Variants in ADAM19 observed in about 807,000 individuals in gnomAD.
ADAM19 encodes ADAM metallopeptidase domain 19.
ADAM19 carries 65 observed loss-of-function variants against 114.7 expected under a neutral mutation model. The ratio of observed to expected loss-of-function variants is 0.57; its 90% confidence interval spans 0.46 to 0.70. The LOEUF is 0.70. Among genes scored for constraint, ADAM19 ranks in the 30% least tolerant of loss-of-function variants. The probability of loss-of-function intolerance (pLI) is 0.00; values close to 1 mark genes in which losing one functional copy is unlikely to be tolerated. For missense variants in ADAM19, 1,063 were observed against 1,204.7 expected (o/e 0.88, Z 1.74); for synonymous variants, 466 against 460.5 (o/e 1.01, Z -0.15).
Position 157,550,908 on chromosome 5 carries a change from C to T in ADAM19, c.252-12917G>A, listed in dbSNP as rs973123883. Among the ~76,000 whole-genome samples, 12 of 152,308 alleles carry T rather than the reference C, an allele frequency of 7.9e-5. 1 individual carries two copies. The highest frequency in any genetic ancestry group is 6.5e-4 in the Admixed American group (10 of 15,302). On this transcript the variant is annotated intron_variant, in intron 3 of 22. Transcript: ENST00000257527. Reference sequence around the variant, plus strand: ...GTGATTCATACCATCATTCTCTCTACTCTGCACGTTTGATAATTTTTCACT... The same window carrying T: ...GTGATTCATACCATCATTCTCTCTATTCTGCACGTTTGATAATTTTTCACT...
At chr5:157,481,309 C>T (rs11134766) in intron 22 of ADAM19, 29,925 of 571,648 alleles carry the variant, frequency 0.052, 957 homozygotes, top group Middle Eastern at 0.065. Flanking sequence ...CCAGCTTCTT[C>T]ACCTCATCCC....
At chr5:157,488,753 C>T (rs1184844921) in intron 20 of ADAM19, among the ~76,000 whole-genome samples, 4 of 152,170 alleles carry the variant, frequency 2.6e-5, no homozygotes, top group Admixed American at 6.5e-5. Context: ...GCATGGCGGC[C>T]GGGCATGGTG....
intron 4 of ADAM19, among the ~76,000 whole-genome samples, chr5:157,531,441 T>C (rs1221299010): frequency 6.6e-6 from 1 of 152,028 alleles, no homozygotes; most frequent in Non-Finnish European, 1.5e-5. Flanking sequence ...CTGAGGCAGA[T>C]GGATCACTTG....
chr5:157,479,146 G>A lies in ADAM19; in HGVS notation c.*1803C>T. The A allele has an allele frequency of 1.0e-5, 10 of 985,942 alleles. No individual in the cohort carries two copies. The highest frequency in any genetic ancestry group is 1.2e-5 in the Non-Finnish European group (10 of 829,992). The allele number at this position is 985,942 out of a possible 1,614,324, so 61.1% of individuals were successfully genotyped here. A position where few individuals can be genotyped will look rare whatever the true frequency, so the allele number is the denominator to read the frequency against. ...CACAGCAAGGATGACCCACGGCAAGGACATGGGGAACCTGTATCACAGCCA... is the reference window on the plus strand; with the variant it reads ...CACAGCAAGGATGACCCACGGCAAGAACATGGGGAACCTGTATCACAGCCA... On this transcript the variant is annotated 3_prime_UTR_variant, in exon 23 of 23. Coordinates refer to ENST00000257527, the MANE Select transcript of ADAM19 (RefSeq NM_033274.5).
chr5:157,524,002 G>C (rs148119381), intron 5 of ADAM19, among the ~76,000 whole-genome samples: 2 of 152,332 alleles, frequency 1.3e-5, no homozygotes, highest in Non-Finnish European at 2.9e-5. Flanking sequence ...TCCAACTGCT[G>C]TTCCTGGTTA....
chr5:157,548,489 C>T (rs1203664694), intron 3 of ADAM19, among the ~76,000 whole-genome samples: 1 of 152,170 alleles, frequency 6.6e-6, no homozygotes, highest in East Asian at 1.9e-4. Flanking sequence ...AAGCCCAGTA[C>T]ACTGGGAAGA....
chr5:157,511,265 T>C (rs1755912266), intron 8 of ADAM19, among the ~76,000 whole-genome samples: 1 of 152,192 alleles, frequency 6.6e-6, no homozygotes, highest in African/African-American at 2.4e-5. Context: ...TGGTAGGTAC[T>C]GCCCCAGCTG....
intron 7 of ADAM19, among the ~76,000 whole-genome samples, chr5:157,517,822 T>C (rs955329218): frequency 1.3e-5 from 2 of 152,208 alleles, no homozygotes; most frequent in African/African-American, 4.8e-5. Flanking sequence ...TTGAGGAACA[T>C]GGAGTTAAAG....
intron 21 of ADAM19, 75 bp downstream of exon 21, chr5:157,488,190 C>T (rs1755012555): frequency 4.8e-6 from 7 of 1,446,932 alleles, no homozygotes; most frequent in Non-Finnish European, 6.7e-6. Context: ...TCACCTTCCC[C>T]ACCTTTGCCA....
At position 157,496,878 on chromosome 5, in the gene ADAM19, C is replaced by A. The variant is rs1332708923; in HGVS notation, c.1594+16G>T. The stretch of plus-strand genomic sequence containing the variant: ...TGGTGGGCTGGGGAGAGCCGTGCTC[C>A]CCAGGAGAGCCTTACCGGGTCCCCA... On this transcript the variant is annotated intron_variant, in intron 14 of 22. Coordinates refer to ENST00000257527, the MANE Select transcript of ADAM19 (RefSeq NM_033274.5). 5 of 1,548,816 alleles carry A rather than the reference C, an allele frequency of 3.2e-6. No individual in the cohort carries two copies. The highest frequency in any genetic ancestry group is 1.4e-5 in the African/African-American group (1 of 72,128).
intron 4 of ADAM19, among the ~76,000 whole-genome samples, chr5:157,537,303 T>C (rs1479466249): frequency 1.3e-5 from 2 of 152,188 alleles, no homozygotes; most frequent in Non-Finnish European, 2.9e-5. Context: ...CAGTGGAGTG[T>C]GGCAAAGCAA....
Position 157,519,867 on chromosome 5 carries a change from G to A in ADAM19, c.572C>T (p.Thr191Ile), listed in dbSNP as rs763470596. Reference sequence around the variant, plus strand: ...GCGAGGTCGCTTCTTGGTCTGTTGTGTAAACTGAAGAGCCCAGTCCCTGGT... The same window carrying A: ...GCGAGGTCGCTTCTTGGTCTGTTGTATAAACTGAAGAGCCCAGTCCCTGGT... ...PTTRDWALQF[T>I]QQTKKRPRRM... Residue 191 changes from threonine (T) to isoleucine (I), a missense_variant, in exon 6 of 23, where the codon ACA (threonine) becomes ATA (isoleucine). Coordinates refer to ENST00000257527, the MANE Select transcript of ADAM19 (RefSeq NM_033274.5). 25 of 1,613,710 alleles carry A rather than the reference G, an allele frequency of 1.5e-5. No individual in the cohort carries two copies. The highest frequency in any genetic ancestry group is 1.7e-5 in the Non-Finnish European group (20 of 1,179,860).
intron 21 of ADAM19, among the ~76,000 whole-genome samples, chr5:157,486,843 T>A (rs1184543876): frequency 1.3e-5 from 2 of 152,040 alleles, no homozygotes; most frequent in Non-Finnish European, 2.9e-5. Context: ...TACCTCAGAA[T>A]GTGACCATAT....
chr5:157,503,179 C>T (rs1043695501), intron 11 of ADAM19, among the ~76,000 whole-genome samples, 199 bp from the exon 12 acceptor site: 10 of 152,188 alleles, frequency 6.6e-5, no homozygotes, highest in Non-Finnish European at 1.2e-4. Context: ...CCCTTGAGTT[C>T]GTGTCCTTAG....
chr5:157,480,946 G>C lies in ADAM19; in HGVS notation c.*3C>G. Reference sequence around the variant, plus strand: ...AGGAAAGGGAGAAGCCCCTTGGACAGGTCTAGATTTTCGAGCTAATCATCC... The same window carrying C: ...AGGAAAGGGAGAAGCCCCTTGGACACGTCTAGATTTTCGAGCTAATCATCC... On this transcript the variant is annotated 3_prime_UTR_variant, in exon 23 of 23. Coordinates refer to ENST00000257527, the MANE Select transcript of ADAM19 (RefSeq NM_033274.5). 1 of 1,614,110 alleles carries C rather than the reference G, an allele frequency of 6.2e-7. No individual in the cohort carries two copies. Among genetic ancestry groups the C allele is most frequent in the Admixed American group, 1.7e-5 (1 of 60,016 alleles).
At chr5:157,486,563 G>C (rs1373231643) in intron 21 of ADAM19, among the ~76,000 whole-genome samples, 2 of 152,108 alleles carry the variant, frequency 1.3e-5, no homozygotes, top group Non-Finnish European at 2.9e-5. Context: ...GACACTTCCT[G>C]ACCTACGGCT....
intron 3 of ADAM19, among the ~76,000 whole-genome samples, chr5:157,555,395 A>T (rs1378123676): frequency 6.6e-6 from 1 of 152,228 alleles, no homozygotes; most frequent in Non-Finnish European, 1.5e-5. Context: ...CTAAGGGCAG[A>T]CAGAGCATCA....
chr5:157,570,705 A>G (rs1757795175), intron 2 of ADAM19, 190 bp downstream of exon 2: 1 of 529,300 alleles, frequency 1.9e-6, no homozygotes, highest in Admixed American at 3.6e-5. Flanking sequence ...TAGCATTGGG[A>G]AGTGTTCTAG....
intron 1 of ADAM19, among the ~76,000 whole-genome samples, chr5:157,571,679 C>T (rs544940469): frequency 3.9e-4 from 60 of 152,082 alleles, no homozygotes; most frequent in Non-Finnish European, 7.8e-4. Flanking sequence ...GGCAGAGCGG[C>T]GAGAGTGAGA....
Sources: allele counts gnomAD v4.1 joint callset (sites outside exome capture counted in the v4.1 genomes callset), GRCh38; gene constraint gnomAD v4.1.1; transcripts MANE v1.5; gene names NCBI Gene and HGNC (gene_info 2026-07-23, HGNC 2026-07-21).